ABCB1: variants seen among roughly 807,000 people sequenced by gnomAD.
ABCB1 encodes ATP binding cassette subfamily B member 1, also known as ATP-dependent translocase ABCB1.
ABCB1 carries 69 observed loss-of-function variants against 142.0 expected under a neutral mutation model. The observed-to-expected ratio is 0.49, with a 90% CI of 0.40 to 0.59. The LOEUF is 0.59. Among genes scored for constraint, ABCB1 ranks in the 20% least tolerant of loss-of-function variants. The pLI is 0.00. For missense variants in ABCB1, 1,326 were observed against 1,554.7 expected, an observed-to-expected ratio of 0.85 and a Z score of 2.47; for synonymous variants, 532 against 539.2, an observed-to-expected ratio of 0.99 and a Z score of 0.18.
At chr7:87,632,427 T>C (rs1821315637) in intron 1 of ABCB1, among the ~76,000 whole-genome samples, 1 of 152,340 alleles carries the variant, frequency 6.6e-6, no homozygotes, top group Middle Eastern at 3.4e-3. Context: ...TGTTGTAGAC[T>C]AAAAACATTT....
intron 27 of ABCB1, 53 bp from the exon 28 acceptor site, chr7:87,504,502 C>G (rs1017865404): frequency 3.7e-6 from 6 of 1,603,040 alleles, no homozygotes; most frequent in Non-Finnish European, 5.1e-6. Flanking sequence ...TCCCTAATTC[C>G]TCTTCCATAA....
chr7:87,630,469 T>G (rs1049865093), intron 1 of ABCB1, among the ~76,000 whole-genome samples: 1 of 152,170 alleles, frequency 6.6e-6, no homozygotes, highest in Admixed American at 6.5e-5. Context: ...GGCTGTTAGG[T>G]GTTTTAAAAT....
At chr7:87,646,945 G>T (rs1029749957) in intron 1 of ABCB1, among the ~76,000 whole-genome samples, 15 of 152,060 alleles carry the variant, frequency 9.9e-5, no homozygotes, top group Non-Finnish European at 1.5e-4. Flanking sequence ...GTTATTTCCC[G>T]TTATTGCATG....
chr7:87,697,598 C>T (rs1828604076), intron 1 of ABCB1, among the ~76,000 whole-genome samples: 1 of 152,210 alleles, frequency 6.6e-6, no homozygotes, highest in Admixed American at 6.5e-5. Context: ...ATTCCTACTT[C>T]ATTTTGTGAT....
Position 87,600,101 on chromosome 7 carries a change from G to A in ABCB1, c.68+16C>T, listed in dbSNP as rs200806720. ...TCGCAACTATGTAAACTATGAAAATGAAACAAGCTAGTTACCTTTTATTGT... is the reference window on the plus strand; with the variant it reads ...TCGCAACTATGTAAACTATGAAAATAAAACAAGCTAGTTACCTTTTATTGT... On this transcript the variant is annotated intron_variant, in intron 2 of 27. Coordinates refer to ENST00000622132, the MANE Select transcript of ABCB1 (RefSeq NM_001348946.2). 128 of 1,606,842 alleles carry A rather than the reference G, an allele frequency of 8.0e-5. 2 individuals are homozygous for A. The South Asian group carries it at 1.3e-3, about 17-fold the overall frequency.
At chr7:87,645,693 A>G (rs1822934153) in intron 1 of ABCB1, among the ~76,000 whole-genome samples, 1 of 152,228 alleles carries the variant, frequency 6.6e-6, no homozygotes, top group South Asian at 2.1e-4. Context: ...TCTTAGATAT[A>G]TTAAAATTCT....
intron 22 of ABCB1, 118 bp downstream of exon 22, chr7:87,520,658 A>G (rs752628928): frequency 5.8e-6 from 5 of 856,196 alleles, no homozygotes; most frequent in Non-Finnish European, 9.9e-6. Flanking sequence ...TCAATGGTTT[A>G]CCTTCGAGCA....
chr7:87,708,943 C>T (rs996370668), intron 1 of ABCB1, among the ~76,000 whole-genome samples: 1 of 152,076 alleles, frequency 6.6e-6, no homozygotes, highest in Non-Finnish European at 1.5e-5. Flanking sequence ...TTTCATAAAC[C>T]TTCATTTTAT....
intron 1 of ABCB1, among the ~76,000 whole-genome samples, chr7:87,616,519 C>G (rs1820036969): frequency 6.6e-6 from 1 of 152,140 alleles, no homozygotes; most frequent in Admixed American, 6.5e-5. Context: ...ACTGGAATAT[C>G]TTAAGGAAGG....
intron 4 of ABCB1, among the ~76,000 whole-genome samples, chr7:87,585,016 C>T (rs2129922560): frequency 6.6e-6 from 1 of 151,764 alleles, no homozygotes; most frequent in East Asian, 2.0e-4. Context: ...TTCCAGAAAG[C>T]CCAACATATA....
At chr7:87,664,111 CTG>C (rs1464751302) in intron 1 of ABCB1, among the ~76,000 whole-genome samples, 1 of 152,040 alleles carries the variant, frequency 6.6e-6, no homozygotes, top group African/African-American at 2.4e-5. Flanking sequence ...CTTCTTGTCT[CTG>C]TGCACTTTGA....
At chr7:87,594,354 G>C (rs141385408) in intron 3 of ABCB1, among the ~76,000 whole-genome samples, 1 of 152,084 alleles carries the variant, frequency 6.6e-6, no homozygotes, top group Non-Finnish European at 1.5e-5. Flanking sequence ...ACAATGCTTG[G>C]CACACAGTGC....
intron 20 of ABCB1, among the ~76,000 whole-genome samples, chr7:87,534,186 C>T (rs1816180928): frequency 6.6e-6 from 1 of 152,164 alleles, no homozygotes; most frequent in Non-Finnish European, 1.5e-5. Flanking sequence ...CTGAATACAT[C>T]TGCTCTGGGT....
intron 1 of ABCB1, chr7:87,629,069 G>C: frequency 1.0e-6 from 1 of 967,620 alleles, no homozygotes; most frequent in Non-Finnish European, 1.4e-6. Context: ...CCTATGTTGC[G>C]CCAGCCAAAT....
intron 1 of ABCB1, among the ~76,000 whole-genome samples, chr7:87,613,257 CTTTTTTT>C (rs67823385): frequency 5.3e-4 from 34 of 64,200 alleles, no homozygotes; most frequent in South Asian, 1.6e-3. Flanking sequence ...TCCTTTATTT[CTTTTTTT>C]TTTTTTTTTT....
intron 21 of ABCB1, among the ~76,000 whole-genome samples, 168 bp downstream of exon 21, chr7:87,531,126 C>T (rs1019810622): frequency 2.0e-5 from 3 of 152,048 alleles, no homozygotes; most frequent in South Asian, 2.1e-4. Context: ...ACTGGCTTTG[C>T]TACTTTCTGT....
At chr7:87,599,969 G>T in intron 2 of ABCB1, 148 bp downstream of exon 2, 1 of 758,418 alleles carries the variant, frequency 1.3e-6, no homozygotes, top group Admixed American at 2.3e-5. Flanking sequence ...TCTGCTCTAA[G>T]CAGGGATATT....
intron 1 of ABCB1, among the ~76,000 whole-genome samples, chr7:87,660,908 C>A (rs1300213856): frequency 6.6e-6 from 1 of 151,754 alleles, no homozygotes; most frequent in Non-Finnish European, 1.5e-5. Flanking sequence ...GAGTTATAGT[C>A]AGAATTTGGT....
At chr7:87,555,058 T>G (rs1464747318) in intron 8 of ABCB1, among the ~76,000 whole-genome samples, 1 of 152,148 alleles carries the variant, frequency 6.6e-6, no homozygotes, top group Non-Finnish European at 1.5e-5. Flanking sequence ...TTTTTGACGG[T>G]AAAGTTAAAG....
Sources: allele counts gnomAD v4.1 joint callset (sites outside exome capture counted in the v4.1 genomes callset), GRCh38; gene constraint gnomAD v4.1.1; transcripts MANE v1.5; gene names NCBI Gene and HGNC (gene_info 2026-07-23, HGNC 2026-07-21).